The following KCNK5 variants were observed in gnomAD, a reference collection of about 807,000 sequenced individuals.
KCNK5 encodes the protein potassium two pore domain channel subfamily K member 5, also known as potassium channel subfamily K member 5.
KCNK5 carries 18 observed loss-of-function variants against 32.9 expected under a neutral mutation model. The ratio of observed to expected loss-of-function variants is 0.55; its 90% CI spans 0.38 to 0.81. The LOEUF (loss-of-function observed/expected upper bound fraction) is 0.81. Among genes scored for constraint, KCNK5 ranks in the 30% least tolerant of loss-of-function variants. KCNK5 has a pLI of 0.00. For synonymous variants in KCNK5, 276 were observed against 275.3 expected (o/e 1.00, Z -0.03); for missense variants, 507 against 651.0 (o/e 0.78, Z 2.41).
intron 1 of KCNK5, among the ~76,000 whole-genome samples, chr6:39,218,113 C>T (rs899354996): frequency 2.0e-5 from 3 of 150,344 alleles, no homozygotes; most frequent in South Asian, 2.1e-4. Flanking sequence ...CTTTGTCACC[C>T]AAGCTGGAGT....
At chr6:39,215,620 G>C (rs899335268) in intron 1 of KCNK5, among the ~76,000 whole-genome samples, 1 of 152,212 alleles carries the variant, frequency 6.6e-6, no homozygotes, top group Non-Finnish European at 1.5e-5. Context: ...AGAATAACCT[G>C]TTCCAAGCCA....
intron 1 of KCNK5, among the ~76,000 whole-genome samples, chr6:39,203,033 G>A (rs570326941): frequency 2.0e-4 from 30 of 152,260 alleles, no homozygotes; most frequent in Middle Eastern, 3.4e-3. Flanking sequence ...ACGTGTGTCC[G>A]TCAGGAACAA....
chr6:39,215,603 A>G (rs1292929909), intron 1 of KCNK5, among the ~76,000 whole-genome samples: 2 of 152,226 alleles, frequency 1.3e-5, no homozygotes, highest in Admixed American at 6.5e-5. Context: ...GGTCCTTGGC[A>G]TGCTACAGAA....
At chr6:39,199,813 T>C (rs1771104082) in intron 1 of KCNK5, among the ~76,000 whole-genome samples, 1 of 152,136 alleles carries the variant, frequency 6.6e-6, no homozygotes, top group South Asian at 2.1e-4. Flanking sequence ...AGTGCTGCTG[T>C]ATGTCAGACA....
intron 1 of KCNK5, among the ~76,000 whole-genome samples, chr6:39,225,529 C>T (rs181448792): frequency 3.2e-4 from 49 of 152,318 alleles, no homozygotes; most frequent in African/African-American, 1.2e-3. Flanking sequence ...AATCACACCC[C>T]CACTGTTTTT....
chr6:39,218,148 G>A (rs1307698292), intron 1 of KCNK5, among the ~76,000 whole-genome samples: 2 of 145,858 alleles, frequency 1.4e-5, no homozygotes, highest in Non-Finnish European at 3.0e-5. Flanking sequence ...TTGGCTCACT[G>A]CCACCTCCGC....
chr6:39,222,625 G>C (rs905614062), intron 1 of KCNK5, among the ~76,000 whole-genome samples: 1 of 152,154 alleles, frequency 6.6e-6, no homozygotes, highest in African/African-American at 2.4e-5. Flanking sequence ...CTCCCCAAGG[G>C]CTATGGGCAA....
intron 1 of KCNK5, among the ~76,000 whole-genome samples, chr6:39,225,123 T>C (rs750074535): frequency 6.6e-6 from 1 of 152,022 alleles, no homozygotes; most frequent in Admixed American, 6.6e-5. Flanking sequence ...ACCTCTTCTG[T>C]AGCCCACACC....
intron 1 of KCNK5, among the ~76,000 whole-genome samples, chr6:39,213,030 A>T (rs1335585393): frequency 6.6e-6 from 1 of 152,026 alleles, no homozygotes; most frequent in Admixed American, 6.5e-5. Context: ...TGGTTCCAAG[A>T]CCCCCTGTGG....
At chr6:39,207,519 C>T (rs1366719654) in intron 1 of KCNK5, among the ~76,000 whole-genome samples, 1 of 152,042 alleles carries the variant, frequency 6.6e-6, no homozygotes, top group South Asian at 2.1e-4. Flanking sequence ...TTCCAGGCCC[C>T]GGGGTCTCCT....
intron 1 of KCNK5, among the ~76,000 whole-genome samples, chr6:39,201,976 G>T (rs573968751): frequency 3.9e-5 from 6 of 152,184 alleles, no homozygotes; most frequent in Admixed American, 6.5e-5. Context: ...AGAGACGGGG[G>T]TGAAAGGCAT....
intron 1 of KCNK5, among the ~76,000 whole-genome samples, chr6:39,202,360 C>T (rs1416686800): frequency 1.3e-5 from 2 of 152,116 alleles, no homozygotes; most frequent in African/African-American, 2.4e-5. Context: ...ACCCCAGCGG[C>T]GGCGGGGCTC....
At chr6:39,204,622 C>G (rs142620490) in intron 1 of KCNK5, among the ~76,000 whole-genome samples, 1 of 152,240 alleles carries the variant, frequency 6.6e-6, no homozygotes. Flanking sequence ...GCTTGAACTG[C>G]GAACCAGGAT....
chr6:39,216,041 G>C (rs1771428753), intron 1 of KCNK5, among the ~76,000 whole-genome samples: 1 of 152,220 alleles, frequency 6.6e-6, no homozygotes. Flanking sequence ...CCAGTACCTT[G>C]GGAGGCCAAG....
chr6:39,195,851 G>A, intron 2 of KCNK5, 25 bp downstream of exon 2: 2 of 1,565,758 alleles, frequency 1.3e-6, no homozygotes, highest in Non-Finnish European at 1.8e-6. Context: ...GGATGTGGGT[G>A]TCCTACAGGT....
At chr6:39,228,786 T>G (rs1031681301) in intron 1 of KCNK5, 140 bp downstream of exon 1, 26 of 781,982 alleles carry the variant, frequency 3.3e-5, no homozygotes, top group Middle Eastern at 3.8e-4. Flanking sequence ...TGACCCATGA[T>G]GAGACACGCT....
chr6:39,224,685 T>G (rs754357674), intron 1 of KCNK5, among the ~76,000 whole-genome samples: 2 of 152,114 alleles, frequency 1.3e-5, no homozygotes, highest in Non-Finnish European at 2.9e-5. Context: ...GTCAGCTATA[T>G]GAGCAGTCAA....
intron 1 of KCNK5, among the ~76,000 whole-genome samples, chr6:39,211,197 C>T (rs991887536): frequency 2.0e-5 from 3 of 152,134 alleles, no homozygotes; most frequent in South Asian, 2.1e-4. Context: ...GGTGCTTCCC[C>T]GCAGAGTGGG....
intron 1 of KCNK5, among the ~76,000 whole-genome samples, chr6:39,212,629 C>G (rs988788802): frequency 5.9e-5 from 9 of 152,240 alleles, no homozygotes; most frequent in African/African-American, 2.2e-4. Context: ...GGGTCCAAGG[C>G]TGCACTTGTC....
Sources: allele counts gnomAD v4.1 joint callset (sites outside exome capture counted in the v4.1 genomes callset), GRCh38; gene constraint gnomAD v4.1.1; transcripts MANE v1.5; gene names NCBI Gene and HGNC (gene_info 2026-07-23, HGNC 2026-07-21).